Variants in SYNDIG1 observed in about 807,000 individuals in gnomAD.
SYNDIG1 encodes the protein synapse differentiation-inducing gene protein 1.
In SYNDIG1, 9 loss-of-function variants were observed where a neutral mutation model predicts 19.4. That is an observed-to-expected ratio of 0.46 (90% CI 0.28 to 0.81). The LOEUF (loss-of-function observed/expected upper bound fraction) is 0.81. Ranked by LOEUF, SYNDIG1 falls within the 30% of genes least tolerant of loss-of-function variation. The pLI is 0.12. For synonymous variants in SYNDIG1, 141 were observed against 145.9 expected (o/e 0.97, Z 0.24); for missense variants, 311 against 343.3 (o/e 0.91, Z 0.74).
chr20:24,662,555 C>T (rs889925935), intron 3 of SYNDIG1, among the ~76,000 whole-genome samples: 3 of 152,090 alleles, frequency 2.0e-5, no homozygotes, highest in Non-Finnish European at 4.4e-5. Flanking sequence ...GTGCCCTGGG[C>T]TGTTAAGGCT....
intron 1 of SYNDIG1, among the ~76,000 whole-genome samples, chr20:24,477,719 A>G (rs2055675404): frequency 1.3e-5 from 2 of 152,174 alleles, no homozygotes; most frequent in South Asian, 4.1e-4. Context: ...TGTCCTGTAC[A>G]TTATGCAGAA....
At chr20:24,508,448 C>T (rs2056661478) in intron 1 of SYNDIG1, among the ~76,000 whole-genome samples, 3 of 151,290 alleles carry the variant, frequency 2.0e-5, no homozygotes, top group East Asian at 1.9e-4. Flanking sequence ...AAACTCCTGA[C>T]CTCAAGTGAT....
chr20:24,492,374 T>C (rs1049051076), intron 1 of SYNDIG1, among the ~76,000 whole-genome samples: 1 of 152,278 alleles, frequency 6.6e-6, no homozygotes, highest in African/African-American at 2.4e-5. Context: ...TGCTGTCTGG[T>C]TCGAGATCAG....
At chr20:24,498,657 C>T (rs1203425996) in intron 1 of SYNDIG1, among the ~76,000 whole-genome samples, 1 of 152,176 alleles carries the variant, frequency 6.6e-6, no homozygotes, top group East Asian at 1.9e-4. Context: ...CAGGATTCCT[C>T]ATGTCATGTA....
At chr20:24,636,858 A>T (rs1271209004) in intron 3 of SYNDIG1, among the ~76,000 whole-genome samples, 1 of 152,230 alleles carries the variant, frequency 6.6e-6, no homozygotes, top group African/African-American at 2.4e-5. Context: ...TGCCTAAATA[A>T]TTTCTTTTTA....
At chr20:24,583,621 G>A (rs1013984536) in intron 2 of SYNDIG1, among the ~76,000 whole-genome samples, 1 of 152,206 alleles carries the variant, frequency 6.6e-6, no homozygotes, top group African/African-American at 2.4e-5. Flanking sequence ...CCAGTGGAAT[G>A]ACAGACAGGA....
chr20:24,621,156 C>T (rs1443280167), intron 3 of SYNDIG1, among the ~76,000 whole-genome samples: 1 of 152,170 alleles, frequency 6.6e-6, no homozygotes, highest in Non-Finnish European at 1.5e-5. Context: ...TATCTGCAGC[C>T]TGATGTTTTG....
chr20:24,550,580 C>T (rs1448321258), intron 2 of SYNDIG1, among the ~76,000 whole-genome samples: 2 of 151,650 alleles, frequency 1.3e-5, no homozygotes. Context: ...GCGATCTTGG[C>T]TCACTGCAAG....
At chr20:24,470,882 C>T (rs968429388) in intron 1 of SYNDIG1, among the ~76,000 whole-genome samples, 7 of 152,022 alleles carry the variant, frequency 4.6e-5, no homozygotes, top group African/African-American at 1.4e-4. Context: ...GCTCCTGGCT[C>T]GGACCGATGC....
rs900970087 is a variant in SYNDIG1 at position 24,532,523 on chromosome 20, T to C, written c.-78-10497T>C. Among the ~76,000 whole-genome samples the C allele has an allele frequency of 8.5e-5, 13 of 152,236 alleles. 1 individual carries two copies. Among genetic ancestry groups the C allele is most frequent in the Admixed American group, 8.5e-4 (13 of 15,284 alleles). On this transcript the variant is annotated intron_variant, in intron 1 of 3. Coordinates refer to ENST00000376862, the MANE Select transcript of SYNDIG1 (RefSeq NM_024893.3). ...TCTGGAATCAGATAGTGATGAGGGTTGCACTGCACAACTTGGTGAATATAC... is the reference window on the plus strand; with the variant it reads ...TCTGGAATCAGATAGTGATGAGGGTCGCACTGCACAACTTGGTGAATATAC...
rs1486139266 is a variant in SYNDIG1 at position 24,539,487 on chromosome 20, G to A, written c.-78-3533G>A. Among the ~76,000 whole-genome samples, 3 of 152,242 alleles carry A rather than the reference G, an allele frequency of 2.0e-5. No individual in the cohort carries two copies. The East Asian group carries it at 5.8e-4, about 29-fold the overall frequency. On this transcript the variant is annotated intron_variant, in intron 1 of 3. Coordinates refer to ENST00000376862, the MANE Select transcript of SYNDIG1 (RefSeq NM_024893.3). Reference sequence around the variant, plus strand: ...TATTTATGCCATATCACACTGTTTTGATTCTAGTGCCATTGTAGTAAGTCT... The same window carrying A: ...TATTTATGCCATATCACACTGTTTTAATTCTAGTGCCATTGTAGTAAGTCT...
intron 1 of SYNDIG1, among the ~76,000 whole-genome samples, chr20:24,500,080 A>C (rs929175119): frequency 6.6e-6 from 1 of 152,200 alleles, no homozygotes. Context: ...AGCCGTGTCC[A>C]GACTGTGGGT....
chr20:24,641,688 G>T (rs1003825667), intron 3 of SYNDIG1, among the ~76,000 whole-genome samples: 1 of 152,068 alleles, frequency 6.6e-6, no homozygotes, highest in Non-Finnish European at 1.5e-5. Flanking sequence ...GAGCTGGGCC[G>T]GCCTATACCA....
intron 2 of SYNDIG1, among the ~76,000 whole-genome samples, chr20:24,551,832 G>C (rs895574363): frequency 3.9e-5 from 6 of 152,092 alleles, no homozygotes; most frequent in African/African-American, 1.4e-4. Flanking sequence ...ATCTCATTAA[G>C]GTTGAAGGAC....
At chr20:24,556,351 A>G (rs1458927264) in intron 2 of SYNDIG1, among the ~76,000 whole-genome samples, 1 of 152,136 alleles carries the variant, frequency 6.6e-6, no homozygotes, top group African/African-American at 2.4e-5. Context: ...TGTCATTATG[A>G]TGTTAGCTGG....
chr20:24,660,259 T>C (rs2059571002), intron 3 of SYNDIG1, among the ~76,000 whole-genome samples: 1 of 152,222 alleles, frequency 6.6e-6, no homozygotes, highest in Non-Finnish European at 1.5e-5. Flanking sequence ...TGTCCACTCA[T>C]TTACGGGAGT....
chr20:24,560,599 G>A (rs1202221880), intron 2 of SYNDIG1, among the ~76,000 whole-genome samples: 1 of 149,764 alleles, frequency 6.7e-6, no homozygotes, highest in African/African-American at 2.5e-5. Context: ...TCTTTAGTCT[G>A]TGAACATATT....
At chr20:24,661,008 C>A (rs1020147872) in intron 3 of SYNDIG1, among the ~76,000 whole-genome samples, 9 of 152,242 alleles carry the variant, frequency 5.9e-5, no homozygotes, top group Non-Finnish European at 1.5e-5. Flanking sequence ...AGCTGCACCC[C>A]CACAGCCTGA....
At chr20:24,618,028 C>T (rs1216887255) in intron 3 of SYNDIG1, among the ~76,000 whole-genome samples, 1 of 89,584 alleles carries the variant, frequency 1.1e-5, no homozygotes, top group East Asian at 3.4e-4. Flanking sequence ...AGAGAGAGCC[C>T]GGGGAGTGGG....
Sources: gnomAD v4.1 joint callset for allele counts (sites outside exome capture counted in the v4.1 genomes callset) on GRCh38, gnomAD v4.1.1 for gene constraint, MANE v1.5 for transcripts, NCBI Gene and HGNC (gene_info 2026-07-23, HGNC 2026-07-21) for gene names.